CDHR2: variants seen among roughly 807,000 people sequenced by gnomAD.
CDHR2 encodes the protein cadherin related family member 2, also known as cadherin-related family member 2.
In CDHR2, 104 loss-of-function variants were observed where a neutral mutation model predicts 138.6. The ratio of observed to expected loss-of-function variants is 0.75; its 90% confidence interval spans 0.64 to 0.88. CDHR2 has a LOEUF of 0.88. Ranked by LOEUF, CDHR2 falls within the 40% of genes least tolerant of loss-of-function variation. The probability of loss-of-function intolerance (pLI) is 0.00; values close to 1 mark genes in which losing one functional copy is unlikely to be tolerated. For synonymous variants in CDHR2, 755 were observed against 742.8 expected, an observed-to-expected ratio of 1.02 and a Z score of -0.27; for missense variants, 1,624 against 1,727.6, an observed-to-expected ratio of 0.94 and a Z score of 1.06.
At chr5:176,557,372 AT>A (rs1033818372) in intron 1 of CDHR2, among the ~76,000 whole-genome samples, 10 of 151,554 alleles carry the variant, frequency 6.6e-5, no homozygotes, top group Non-Finnish European at 1.5e-4. Context: ...CGCTGGCCTA[AT>A]TTCTGTATTT....
At chr5:176,590,745 G>A (rs58913041) in intron 28 of CDHR2, 58 bp downstream of exon 28, 38,998 of 1,608,010 alleles carry the variant, frequency 0.024, 644 homozygotes, top group South Asian at 0.042. Context: ...CACCCAAGAC[G>A]TCGGGGGGTA....
intron 31 of CDHR2, 77 bp downstream of exon 31, chr5:176,592,857 G>C (rs1038738581): frequency 8.7e-6 from 11 of 1,261,220 alleles, no homozygotes; most frequent in South Asian, 1.2e-5. Context: ...AGAGCTCAAG[G>C]GACCTGCTAC....
chr5:176,595,668 T>G lies in CDHR2; in HGVS notation c.3929T>G (p.Leu1310Arg), dbSNP rs764684691. The G allele has an allele frequency of 6.3e-7, 1 of 1,585,030 alleles. No individual in the cohort carries two copies. ...YTNAGLDTTD[L>R] is the part of the protein sequence containing the mutation. ...AACGCTGGCCTGGACACCACGGACCTGTGACAGGGGCCCCCACTCTTCTGG... is the reference window on the plus strand; with the variant it reads ...AACGCTGGCCTGGACACCACGGACCGGTGACAGGGGCCCCCACTCTTCTGG... The change falls in exon 32 of 32, where the codon CTG becomes CGG. Residue 1310 changes from leucine to arginine, a missense_variant. Coordinates refer to ENST00000261944, the MANE Select transcript of CDHR2 (RefSeq NM_017675.6).
In CDHR2 at chr5:176,595,532, G is replaced by A; in HGVS notation, c.3793G>A (p.Glu1265Lys). 4 of 1,594,186 alleles carry A rather than the reference G, an allele frequency of 2.5e-6. No individual in the cohort carries two copies. Among genetic ancestry groups the A allele is most frequent in the Non-Finnish European group, 2.6e-6 (3 of 1,169,348 alleles). Residue 1265 changes from glutamate to lysine, a missense_variant and splice_region_variant, in exon 32 of 32, where the codon GAG becomes AAG. Glu to Lys is a moderately conservative substitution (Grantham distance 56). This residue lies in a region of CDHR2 where 556 missense variants were observed against 565.7 expected (regional missense o/e 0.98). Transcript: ENST00000261944. The stretch of plus-strand genomic sequence containing the variant: ...ACACCTCCTCTCCCTCTCCCTGCAG[G>A]AGCACAGGCCACCACACACACCACC... ...DVDKNSQEIKEHRPPHTPPEP... is the reference protein window; with the variant it reads ...DVDKNSQEIKKHRPPHTPPEP...
chr5:176,565,813 G>A, intron 3 of CDHR2, 70 bp downstream of exon 3: 1 of 1,226,288 alleles, frequency 8.2e-7, no homozygotes, highest in Middle Eastern at 1.9e-4. Flanking sequence ...GGTGCCCTCT[G>A]GAGCCCCCAC....
At chr5:176,585,865 G>A (rs2113319436) in intron 19 of CDHR2, 89 bp from the exon 20 acceptor site, 1 of 1,011,738 alleles carries the variant, frequency 9.9e-7, no homozygotes, top group South Asian at 1.3e-5. Flanking sequence ...CGGGGCATGG[G>A]GTTGAGGCTG....
Position 176,595,803 on chromosome 5 carries a change from T to G in CDHR2, c.*131T>G. The G allele has an allele frequency of 1.1e-6, 1 of 926,516 alleles. No homozygotes were observed. The highest frequency in any genetic ancestry group is 2.2e-5 in the South Asian group (1 of 45,454). The allele number at this position is 926,516 out of a possible 1,614,324, so 57.4% of individuals were successfully genotyped here. ...TTGGCCAATCACGGCAGACAGGGGT[T>G]GGGGAAATATTTTATTACCAATGTA... On this transcript the variant is annotated 3_prime_UTR_variant, in exon 32 of 32. Transcript: ENST00000261944.
rs1479441727 is a variant in CDHR2, at chr5:176,543,598, T to C, written c.-16+829T>C. ...TGGGGCCTGGCAGCCTCCGTGACCT[T>C]GGAGGAGTGACTTCGTTTTCTCGCC... On this transcript the variant is annotated intron_variant, in intron 1 of 31. Coordinates refer to the CDHR2 transcript ENST00000510636. This position sits in a 1 kb window ranked among gnomAD's most constrained non-coding sequence, Gnocchi z 4.0. The C allele has an allele frequency of 2.0e-5, 3 of 152,042 alleles. No individual in the cohort carries two copies. In the East Asian group the frequency reaches 5.8e-4, roughly 30 times the overall value. The allele number at this position is 152,042 out of a possible 1,614,324, so 9.4% of individuals were successfully genotyped here.
At chr5:176,546,435 G>A (rs1332412858), upstream of CDHR2, among the ~76,000 whole-genome samples, 1 of 151,898 alleles carries the variant, frequency 6.6e-6, no homozygotes, top group Non-Finnish European at 1.5e-5. Context: ...TATTGTGTTG[G>A]GCATTGTGCT....
At chr5:176,565,019 G>A (rs755599319) in intron 1 of CDHR2, among the ~76,000 whole-genome samples, 2 of 152,154 alleles carry the variant, frequency 1.3e-5, no homozygotes. Flanking sequence ...AAGCCCCTTC[G>A]TATCTTGGTG....
intron 20 of CDHR2, 48 bp downstream of exon 20, chr5:176,586,073 G>A (rs369926849): frequency 1.9e-5 from 29 of 1,509,258 alleles, no homozygotes; most frequent in Non-Finnish European, 2.4e-5. Flanking sequence ...CCATAAGGCC[G>A]CCTTTGAGCA....
chr5:176,592,150 A>AG (rs1758882836), intron 30 of CDHR2, among the ~76,000 whole-genome samples: 1 of 126,264 alleles, frequency 7.9e-6, no homozygotes, highest in Non-Finnish European at 1.7e-5. Context: ...GATGGTGATG[A>AG]TGACAATGAT....
At chr5:176,584,374 T>C in intron 18 of CDHR2, 36 bp from the exon 19 acceptor site, 1 of 1,606,350 alleles carries the variant, frequency 6.2e-7, no homozygotes, top group Non-Finnish European at 8.5e-7. Context: ...GATGGCGGGG[T>C]CAGGAGTCCT....
chr5:176,545,816 G>A (rs1757574630), upstream of CDHR2, among the ~76,000 whole-genome samples: 1 of 152,214 alleles, frequency 6.6e-6, no homozygotes, highest in Admixed American at 6.5e-5. Context: ...GACCTGGATC[G>A]TCATAGCCCA....
chr5:176,577,567 C>G lies in CDHR2; in HGVS notation c.1350+13C>G. Reference sequence around the variant, plus strand: ...GATGGCGGTGCAGGTGAGGGCTGCTCCGGGGTGCCAGGGGCAGAAGCCGAG... The same window carrying G: ...GATGGCGGTGCAGGTGAGGGCTGCTGCGGGGTGCCAGGGGCAGAAGCCGAG... On this transcript the variant is annotated intron_variant, in intron 13 of 31. Transcript: ENST00000261944. 1 of 1,613,730 alleles carries G rather than the reference C, an allele frequency of 6.2e-7. No individual in the cohort carries two copies. The highest frequency in any genetic ancestry group is 8.5e-7 in the Non-Finnish European group (1 of 1,179,788).
At position 176,565,683 on chromosome 5, in the gene CDHR2, G is replaced by C. The variant is rs1436795622; in HGVS notation, c.64G>C (p.Val22Leu). ...CTGTGTCCCTACAGTGGCAGCCAAC[G>C]TGGCCCCGAAGTTCCTAGCCAACAT... ...PALVVSVAAN[V>L]APKFLANMTS... Residue 22 changes from valine to leucine, a missense_variant, in exon 3 of 32, where the codon GTG becomes CTG. Coordinates refer to ENST00000261944, the MANE Select transcript of CDHR2 (RefSeq NM_017675.6). 6 of 1,613,808 alleles carry C rather than the reference G, an allele frequency of 3.7e-6. No homozygotes were observed. Among genetic ancestry groups the C allele is most frequent in the Non-Finnish European group, 5.1e-6 (6 of 1,179,842 alleles).
chr5:176,584,893 A>G lies in CDHR2; in HGVS notation c.2612A>G (p.Asn871Ser). 3 of 1,613,628 alleles carry G rather than the reference A, an allele frequency of 1.9e-6. No individual in the cohort carries two copies. Among genetic ancestry groups the G allele is most frequent in the East Asian group, 2.2e-5 (1 of 44,870 alleles). Residue 871 changes from asparagine (N) to serine (S), a missense_variant, in exon 19 of 32, where the codon AAC becomes AGC. By Grantham distance (46) the Asn-to-Ser change is conservative. Transcript: ENST00000261944. ...LCWGWFSVAA[N>S]GSVYINQSKA... ...TGGGGCTGGTTCTCAGTGGCGGCCA[A>G]CGGCTCTGTGTACATCAACCAGAGC...
chr5:176,587,121 T>C (rs1317655425), intron 21 of CDHR2, among the ~76,000 whole-genome samples: 2 of 152,222 alleles, frequency 1.3e-5, no homozygotes, highest in Non-Finnish European at 2.9e-5. Flanking sequence ...TCATAGCTAA[T>C]TGTAAATTAA....
chr5:176,583,048 G>T (rs1009556795), intron 17 of CDHR2, among the ~76,000 whole-genome samples: 1 of 152,258 alleles, frequency 6.6e-6, no homozygotes, highest in Admixed American at 6.5e-5. Context: ...ACAAGGGTCA[G>T]AGAGTGAGAC....
Sources: allele counts gnomAD v4.1 joint callset (sites outside exome capture counted in the v4.1 genomes callset), GRCh38; gene constraint gnomAD v4.1.1; regional missense constraint gnomAD v4.1.1; non-coding constraint Gnocchi (gnomAD v3.1); transcripts MANE v1.5; gene names NCBI Gene and HGNC (gene_info 2026-07-23, HGNC 2026-07-21).